Variants in KCNH5 observed in about 807,000 individuals in gnomAD.
The protein encoded by KCNH5 is potassium voltage-gated channel subfamily H member 5.
A neutral mutation model predicts 96.1 loss-of-function variants in KCNH5; 46 were observed. The observed-to-expected ratio is 0.48, with a 90% CI of 0.38 to 0.61. The LOEUF (loss-of-function observed/expected upper bound fraction) is 0.61, where lower values mean the gene tolerates loss of function less well. Among genes scored for constraint, KCNH5 ranks in the 20% least tolerant of loss-of-function variants. The pLI is 0.00. For synonymous variants in KCNH5, 439 were observed against 449.8 expected, an observed-to-expected ratio of 0.98 and a Z score of 0.30; for missense variants, 907 against 1,225.8, an observed-to-expected ratio of 0.74 and a Z score of 3.88.
intron 2 of KCNH5, 139 bp from the exon 3 acceptor site, chr14:63,006,611 T>C: frequency 1.7e-6 from 1 of 587,608 alleles, no homozygotes; most frequent in Admixed American, 2.8e-5. Flanking sequence ...AGTCAAATCA[T>C]GAGAGGCAGT....
At chr14:62,896,303 C>T (rs909016225) in intron 7 of KCNH5, among the ~76,000 whole-genome samples, 2 of 152,196 alleles carry the variant, frequency 1.3e-5, no homozygotes, top group Non-Finnish European at 2.9e-5. Context: ...TATATGTTAA[C>T]ACAGTGAAAC....
intron 6 of KCNH5, among the ~76,000 whole-genome samples, chr14:62,974,754 C>G (rs1190214895): frequency 2.6e-5 from 4 of 152,160 alleles, no homozygotes; most frequent in Non-Finnish European, 4.4e-5. Flanking sequence ...ACTTCCTCTT[C>G]AGGTCTAAGT....
chr14:62,941,018 G>A (rs1215114014), intron 7 of KCNH5, among the ~76,000 whole-genome samples: 1 of 152,172 alleles, frequency 6.6e-6, no homozygotes, highest in East Asian at 1.9e-4. Flanking sequence ...GAGAGAGTAA[G>A]GGAGAGACAG....
intron 8 of KCNH5, among the ~76,000 whole-genome samples, chr14:62,832,858 G>A (rs1281275202): frequency 6.6e-6 from 1 of 152,146 alleles, no homozygotes; most frequent in Non-Finnish European, 1.5e-5. Flanking sequence ...CTGATGATTA[G>A]TGATGTTGGG....
At chr14:63,034,629 A>G (rs907567838) in intron 1 of KCNH5, among the ~76,000 whole-genome samples, 19 of 152,254 alleles carry the variant, frequency 1.2e-4, no homozygotes, top group African/African-American at 4.3e-4. Context: ...CTGTTAATTT[A>G]TTCAAACTTG....
chr14:62,779,881 G>C lies in KCNH5; in HGVS notation c.1866C>G (p.Thr622=), dbSNP rs753300342. The part of the protein sequence containing the change: ...VFGDIFWKET[T]LAHACANVRA... ...GGACGTTCGCACATGCATGGGCAAG[G>C]GTGGTTTCCTTCCAGAAGATGTCTC... The change falls in exon 10 of 11, where the codon ACC becomes ACG. Residue 622 remains threonine (T), a synonymous_variant. Transcript: ENST00000322893. The C allele has an allele frequency of 1.9e-6, 3 of 1,613,616 alleles. No homozygotes were observed. In the Admixed American group the frequency reaches 5.0e-5, roughly 27 times the overall value.
At chr14:63,005,837 C>T (rs1011905581) in intron 3 of KCNH5, among the ~76,000 whole-genome samples, 1 of 152,146 alleles carries the variant, frequency 6.6e-6, no homozygotes, top group African/African-American at 2.4e-5. Context: ...CACAAATTTA[C>T]CAAACGTGAA....
chr14:62,731,958 A>T lies in KCNH5; in HGVS notation c.2020-23503T>A, dbSNP rs1416647178. On this transcript the variant is annotated intron_variant, in intron 10 of 10. Transcript: ENST00000322893. ...TGAGAAAATTCCTCAGCCACACACA[A>T]GGGCACATGTGATCGTGTAGAAACT... is the stretch of plus-strand genomic sequence containing the variant. Among the ~76,000 whole-genome samples, 4 of 152,132 alleles carry T rather than the reference A, an allele frequency of 2.6e-5. No individual in the cohort carries two copies. In the South Asian group the frequency reaches 6.2e-4, roughly 24 times the overall value.
chr14:62,866,297 C>T (rs1888132975), intron 7 of KCNH5, among the ~76,000 whole-genome samples: 1 of 151,874 alleles, frequency 6.6e-6, no homozygotes, highest in East Asian at 1.9e-4. Flanking sequence ...TAAAATTATC[C>T]CCACCTTTCT....
intron 6 of KCNH5, among the ~76,000 whole-genome samples, chr14:62,969,661 G>A (rs1327253485): frequency 2.6e-5 from 4 of 151,896 alleles, no homozygotes; most frequent in African/African-American, 9.7e-5. Context: ...CCTAGGTGAT[G>A]GATTGATTGG....
chr14:62,717,134 T>C (rs139628931), intron 10 of KCNH5, among the ~76,000 whole-genome samples: 27 of 152,220 alleles, frequency 1.8e-4, no homozygotes, highest in African/African-American at 5.8e-4. Flanking sequence ...TAGACATATA[T>C]TAAAGAAAAC....
intron 6 of KCNH5, among the ~76,000 whole-genome samples, chr14:62,972,348 G>A (rs1029635710): frequency 3.3e-5 from 5 of 152,234 alleles, no homozygotes; most frequent in East Asian, 1.9e-4. Context: ...TACTAACACC[G>A]CCAAGTGTTG....
intron 1 of KCNH5, among the ~76,000 whole-genome samples, chr14:63,031,333 C>T (rs1174288339): frequency 6.6e-6 from 1 of 151,944 alleles, no homozygotes; most frequent in African/African-American, 2.4e-5. Context: ...ATATTAATTC[C>T]TAAAGGAGTT....
intron 7 of KCNH5, among the ~76,000 whole-genome samples, chr14:62,851,626 T>C (rs942384306): frequency 6.6e-6 from 1 of 151,876 alleles, no homozygotes; most frequent in African/African-American, 2.4e-5. Context: ...CTAACAAATA[T>C]GGAATTTTAC....
intron 6 of KCNH5, among the ~76,000 whole-genome samples, chr14:62,972,906 A>C (rs1284007010): frequency 6.6e-6 from 1 of 152,232 alleles, no homozygotes; most frequent in African/African-American, 2.4e-5. Flanking sequence ...CAGTAAAACT[A>C]ATCTGTGTGA....
chr14:62,997,788 T>C (rs746539120), intron 4 of KCNH5, among the ~76,000 whole-genome samples: 2 of 149,412 alleles, frequency 1.3e-5, no homozygotes, highest in Non-Finnish European at 3.0e-5. Flanking sequence ...TAGTCCCAGC[T>C]ACTTGGAAGG....
In KCNH5 at chr14:62,909,032, A is replaced by ATTT. The variant is rs58920666; in HGVS notation, c.1369+41098_1369+41100dup. On this transcript the variant is annotated intron_variant, in intron 7 of 10. Transcript: ENST00000322893. The stretch of plus-strand genomic sequence containing the variant: ...AAACATAGAAAACACTATGCTACGT[A>ATTT]TTTTTTTTTTTTTTTTTTTTTTTTT... Among the ~76,000 whole-genome samples the ATTT allele has an allele frequency of 6.2e-3, 358 of 57,922 alleles. 41 individuals carry two copies. The highest frequency in any genetic ancestry group is 0.015 in the Middle Eastern group (1 of 68). 38.0% of individuals were successfully genotyped at this position (57,922 alleles called of 152,430 possible).
At chr14:62,916,793 C>G (rs1889283903) in intron 7 of KCNH5, among the ~76,000 whole-genome samples, 1 of 152,178 alleles carries the variant, frequency 6.6e-6, no homozygotes, top group Admixed American at 6.5e-5. Context: ...AATGCTGAGG[C>G]TCTGAAAACA....
chr14:62,864,170 A>T (rs1188284723), intron 7 of KCNH5, among the ~76,000 whole-genome samples: 4 of 152,210 alleles, frequency 2.6e-5, no homozygotes, highest in African/African-American at 9.6e-5. Context: ...TTTTGCTTTA[A>T]AGAAGCAAAT....
Sources: allele counts gnomAD v4.1 joint callset (sites outside exome capture counted in the v4.1 genomes callset), GRCh38; gene constraint gnomAD v4.1.1; transcripts MANE v1.5; gene names NCBI Gene and HGNC (gene_info 2026-07-23, HGNC 2026-07-21).